The following COL26A1 variants were observed in gnomAD, a reference collection of about 807,000 sequenced individuals.
COL26A1 encodes the protein collagen alpha-1(XXVI) chain.
COL26A1 carries 41 observed loss-of-function variants against 59.3 expected under a neutral mutation model. That is an observed-to-expected ratio of 0.69 (90% CI 0.54 to 0.90). The LOEUF (loss-of-function observed/expected upper bound fraction) is 0.90. Among genes scored for constraint, COL26A1 ranks in the 40% least tolerant of loss-of-function variants. COL26A1 has a pLI of 0.00. For missense variants in COL26A1, 612 were observed against 602.3 expected, an observed-to-expected ratio of 1.02 and a Z score of -0.17; for synonymous variants, 266 against 256.0, an observed-to-expected ratio of 1.04 and a Z score of -0.37.
rs869245512 is a variant in COL26A1, at chr7:101,517,798, A to ATTT, written c.386-15253_386-15251dup. On this transcript the variant is annotated intron_variant, in intron 3 of 12. Coordinates refer to ENST00000313669, the MANE Select transcript of COL26A1 (RefSeq NM_001278563.3). ...TCAGAGAAGCTTCCCTTCTCCCCGC[A>ATTT]TTTTTTTTTTTTTTTTTTTTTTTTT... 4.7e-3 allele frequency among the ~76,000 whole-genome samples: 360 copies of ATTT among 76,872 alleles called. 19 individuals carry two copies. Among genetic ancestry groups the ATTT allele is most frequent in the Non-Finnish European group, 6.1e-3 (239 of 39,420 alleles). The allele number at this position is 76,872 out of a possible 152,430, so 50.4% of individuals were successfully genotyped here.
intron 2 of COL26A1, among the ~76,000 whole-genome samples, chr7:101,436,898 T>C (rs1404733758): frequency 6.6e-6 from 1 of 152,066 alleles, no homozygotes; most frequent in Non-Finnish European, 1.5e-5. Flanking sequence ...GTATTTTCAG[T>C]TGTGACGGTT....
chr7:101,455,503 C>CTTTTTT (rs10690062), intron 3 of COL26A1, among the ~76,000 whole-genome samples: 37 of 116,548 alleles, frequency 3.2e-4, no homozygotes, highest in African/African-American at 6.2e-4. Flanking sequence ...CTTTTCTTTT[C>CTTTTTT]TTTTTTTTTT....
intron 2 of COL26A1, among the ~76,000 whole-genome samples, chr7:101,438,086 G>A (rs944799138): frequency 1.3e-5 from 2 of 151,412 alleles, no homozygotes; most frequent in South Asian, 4.1e-4. Flanking sequence ...TTGGAGCTGG[G>A]CGAGGTGGCT....
intron 3 of COL26A1, among the ~76,000 whole-genome samples, chr7:101,454,268 C>CTTTCTTTT (rs1793413956): frequency 7.3e-6 from 1 of 137,348 alleles, no homozygotes; most frequent in African/African-American, 2.7e-5. Context: ...TCTTTTCTTT[C>CTTTCTTTT]TTTTTTTTTT....
intron 2 of COL26A1, among the ~76,000 whole-genome samples, chr7:101,427,058 CTTAT>C (rs1050165693): frequency 2.0e-5 from 3 of 152,070 alleles, no homozygotes; most frequent in Non-Finnish European, 4.4e-5. Context: ...TCATCATTTA[CTTAT>C]TTATTTATCT....
chr7:101,498,001 G>A (rs528603613), intron 3 of COL26A1, among the ~76,000 whole-genome samples: 61 of 152,270 alleles, frequency 4.0e-4, no homozygotes, highest in African/African-American at 1.4e-3. Flanking sequence ...GTTGCAATGA[G>A]CCAAGTAGTG....
chr7:101,434,050 C>G (rs1328953665), intron 2 of COL26A1, among the ~76,000 whole-genome samples: 1 of 31,510 alleles, frequency 3.2e-5, no homozygotes, highest in Admixed American at 2.8e-4. Context: ...CCTTCCCTCC[C>G]TCCCTCCCTC....
chr7:101,526,202 C>T (rs551072923), intron 3 of COL26A1, among the ~76,000 whole-genome samples: 3 of 152,216 alleles, frequency 2.0e-5, no homozygotes, highest in South Asian at 4.1e-4. Context: ...GTGCCCGCCA[C>T]CACATCCAGC....
chr7:101,455,888 G>A (rs6969672), intron 3 of COL26A1, among the ~76,000 whole-genome samples: 16,597 of 151,904 alleles, frequency 0.11, 1,195 homozygotes, highest in African/African-American at 0.19. Context: ...GTTTTACCAT[G>A]TTGGCCAGGC....
At chr7:101,429,112 C>T (rs191825521) in intron 2 of COL26A1, among the ~76,000 whole-genome samples, 4 of 151,748 alleles carry the variant, frequency 2.6e-5, no homozygotes, top group African/African-American at 9.7e-5. Flanking sequence ...TTAGTAGAGA[C>T]AGGGTTTCAC....
At chr7:101,445,595 G>T (rs906427684) in intron 2 of COL26A1, among the ~76,000 whole-genome samples, 1 of 151,480 alleles carries the variant, frequency 6.6e-6, no homozygotes, top group African/African-American at 2.4e-5. Flanking sequence ...GGCCGGGCGT[G>T]GTGGCGGGCG....
chr7:101,396,260 C>A (rs894769353), intron 1 of COL26A1, among the ~76,000 whole-genome samples: 5 of 151,916 alleles, frequency 3.3e-5, no homozygotes, highest in African/African-American at 1.2e-4. Context: ...AGAGCAAGAC[C>A]CTGTCTTTAA....
chr7:101,489,252 G>A (rs572627002), intron 3 of COL26A1, among the ~76,000 whole-genome samples: 31 of 152,220 alleles, frequency 2.0e-4, no homozygotes, highest in Non-Finnish European at 3.8e-4. Context: ...TTTAACCCCT[G>A]AGATTCCTCA....
At chr7:101,405,137 G>C (rs1165466397) in intron 1 of COL26A1, among the ~76,000 whole-genome samples, 1 of 143,810 alleles carries the variant, frequency 7.0e-6, no homozygotes, top group Non-Finnish European at 1.6e-5. Flanking sequence ...CAGGAGAATG[G>C]CGTGAACCCC....
Position 101,453,986 on chromosome 7 carries a change from ACTTTCCTTTCTACATATGT to A in COL26A1, c.385+6202_385+6220del, listed in dbSNP as rs1793405957. Among the ~76,000 whole-genome samples, 3 of 152,198 alleles carry A rather than the reference ACTTTCCTTTCTACATATGT, an allele frequency of 2.0e-5. No individual in the cohort carries two copies. In the East Asian group the frequency reaches 5.8e-4, roughly 29 times the overall value. On this transcript the variant is annotated intron_variant, in intron 3 of 12. Coordinates refer to ENST00000313669, the MANE Select transcript of COL26A1 (RefSeq NM_001278563.3). ...GAGTGCAGGTCTAAGGTTTGGAAAT[ACTTTCCTTTCTACATATGT>A]CTATACATGATCCATCTTAATGAAT...
chr7:101,386,116 T>G (rs1313493531), intron 1 of COL26A1, among the ~76,000 whole-genome samples: 1 of 152,176 alleles, frequency 6.6e-6, no homozygotes, highest in Admixed American at 6.5e-5. Context: ...TTGCAGAGGA[T>G]GTCCGAAGTA....
intron 1 of COL26A1, among the ~76,000 whole-genome samples, chr7:101,403,017 A>G (rs117344817): frequency 0.013 from 1,932 of 151,440 alleles, 21 homozygotes; most frequent in East Asian, 0.066. Flanking sequence ...CTAATTTTTA[A>G]ATTTTTAGTA....
intron 1 of COL26A1, among the ~76,000 whole-genome samples, chr7:101,385,335 A>ATGTATATATATATGTGTATATATATGTG (rs1562957062): frequency 3.4e-5 from 5 of 145,752 alleles, no homozygotes; most frequent in African/African-American, 5.0e-5. Flanking sequence ...GACACTAAAT[A>ATGTATATATATATGTGTATATATATGTG]TGTATATATA....
At chr7:101,513,798 C>T (rs746158802) in intron 3 of COL26A1, among the ~76,000 whole-genome samples, 1 of 152,096 alleles carries the variant, frequency 6.6e-6, no homozygotes, top group Non-Finnish European at 1.5e-5. Context: ...GCAGTGTTAC[C>T]ACAGCACAAA....
Sources: gnomAD v4.1 joint callset for allele counts (sites outside exome capture counted in the v4.1 genomes callset) on GRCh38, gnomAD v4.1.1 for gene constraint, MANE v1.5 for transcripts, NCBI Gene and HGNC (gene_info 2026-07-23, HGNC 2026-07-21) for gene names.